Variants in BCAN observed in about 807,000 individuals in gnomAD.
BCAN encodes brevican core protein.
Under a neutral mutation model 92.4 loss-of-function variants are expected in BCAN, and 51 were observed. The observed-to-expected ratio is 0.55, with a 90% CI of 0.44 to 0.70. The LOEUF (loss-of-function observed/expected upper bound fraction) is 0.70. Among genes scored for constraint, BCAN ranks in the 30% least tolerant of loss-of-function variants. The pLI is 0.00. For missense variants in BCAN, 1,140 were observed against 1,212.1 expected (o/e 0.94, Z 0.88); for synonymous variants, 501 against 505.2 (o/e 0.99, Z 0.11).
At chr1:156,643,570 T>C (rs1383026216) in intron 1 of BCAN, 1 of 145,036 alleles carries the variant, frequency 6.9e-6, no homozygotes, top group Non-Finnish European at 1.5e-5. Context: ...AGCATGGAGG[T>C]GGTGGGTGTT....
Position 156,648,698 on chromosome 1 carries a change from C to T in BCAN, c.900C>T (p.His300=), listed in dbSNP as rs1404882095. 16 of 1,613,816 alleles carry T rather than the reference C, an allele frequency of 9.9e-6. No homozygotes were observed. The highest frequency in any genetic ancestry group is 1.4e-5 in the Non-Finnish European group (16 of 1,179,736). Reference sequence around the variant, plus strand: ...CAGCCTGGGATGGTGGCCTGGACCACTGCAGCCCAGGGTGGCTAGCTGATG... The same window carrying T: ...CAGCCTGGGATGGTGGCCTGGACCATTGCAGCCCAGGGTGGCTAGCTGATG... ...LYAAWDGGLD[H]CSPGWLADGS... The change falls in exon 6 of 14, where the codon CAC becomes CAT. Residue 300 remains histidine (H), a synonymous_variant. Coordinates refer to ENST00000329117, the MANE Select transcript of BCAN (RefSeq NM_021948.5).
Position 156,647,975 on chromosome 1 carries a change from C to T in BCAN, c.642-8C>T, listed in dbSNP as rs1195451186. ...TCTGTACTAAGTGATTCTGTCCTTC[C>T]TCCCTAGGTATCCCATCCAGACCCC... On this transcript the variant is annotated splice_polypyrimidine_tract_variant and splice_region_variant and intron_variant, in intron 4 of 13. Coordinates refer to ENST00000329117, the MANE Select transcript of BCAN (RefSeq NM_021948.5). This position sits in a 1 kb window ranked among gnomAD's most constrained non-coding sequence, Gnocchi z 4.8. The T allele has an allele frequency of 6.2e-7, 1 of 1,612,574 alleles. No homozygotes were observed. Among genetic ancestry groups the T allele is most frequent in the Non-Finnish European group, 8.5e-7 (1 of 1,178,724 alleles).
chr1:156,647,053 C>T lies in BCAN; in HGVS notation c.344C>T (p.Ala115Val), dbSNP rs757148760. ...RFRVALPAYP[A>V]SLTDVSLALS... ...CGCGTGGCACTGCCTGCGTACCCAG[C>T]GTCGCTCACCGACGTCTCCCTGGCG... Residue 115 changes from alanine to valine, a missense_variant, in exon 3 of 14, where the codon GCG becomes GTG. Physicochemically the swap from Ala to Val is moderately conservative, Grantham distance 64. Transcript: ENST00000329117. The surrounding 1 kb of genome is among the most constrained non-coding windows in gnomAD (Gnocchi z 4.8). The T allele has an allele frequency of 6.2e-7, 1 of 1,611,552 alleles. No individual in the cohort carries two copies. The highest frequency in any genetic ancestry group is 1.1e-5 in the South Asian group (1 of 90,982).
At chr1:156,650,090 A>C (rs978683344) in intron 6 of BCAN, among the ~76,000 whole-genome samples, 1 of 152,156 alleles carries the variant, frequency 6.6e-6, no homozygotes, top group African/African-American at 2.4e-5. Context: ...GTCCATAGGA[A>C]GACAGGTCCA....
intron 1 of BCAN, among the ~76,000 whole-genome samples, chr1:156,645,585 C>G (rs868238561): frequency 7.9e-5 from 12 of 152,174 alleles, no homozygotes; most frequent in Middle Eastern, 3.4e-3. Context: ...GGAGAAGGCT[C>G]TGGGTTCGAG....
chr1:156,647,732 T>C lies in BCAN; in HGVS notation c.641+50T>C, dbSNP rs1315258165. 1 of 1,554,056 alleles carries C rather than the reference T, an allele frequency of 6.4e-7. No individual in the cohort carries two copies. ...CTTCTATTGGCCCCTGAGGTGGCCATGGCCCCCCTTCTGCTGGGTGCTGCC... is the reference window on the plus strand; with the variant it reads ...CTTCTATTGGCCCCTGAGGTGGCCACGGCCCCCCTTCTGCTGGGTGCTGCC... On this transcript the variant is annotated intron_variant, in intron 4 of 13. Coordinates refer to ENST00000329117, the MANE Select transcript of BCAN (RefSeq NM_021948.5). This position sits in a 1 kb window ranked among gnomAD's most constrained non-coding sequence, Gnocchi z 4.8.
rs199609971 is a variant in BCAN, at chr1:156,646,098, C to T, written c.44C>T (p.Ala15Val). The change falls in exon 2 of 14, where the codon GCC (alanine) becomes GTC (valine). Residue 15 changes from alanine to valine, a missense_variant. Ala to Val is a moderately conservative substitution (Grantham distance 64, BLOSUM62 0). Coordinates refer to ENST00000329117, the MANE Select transcript of BCAN (RefSeq NM_021948.5). ...FLPLLAALVL[A>V]QAPAALADVL... ...CCCCTGCTGGCAGCCCTGGTCCTGG[C>T]CCAGGCTCCTGCAGCTTTAGCAGAT... 1.9e-4 allele frequency: 302 copies of T among 1,613,928 alleles called. 7 individuals are homozygous for T. In the South Asian group the frequency reaches 3.2e-3, roughly 17 times the overall value.
intron 1 of BCAN, among the ~76,000 whole-genome samples, chr1:156,645,332 G>A (rs1473633107): frequency 1.3e-5 from 2 of 152,246 alleles, no homozygotes; most frequent in African/African-American, 4.8e-5. Flanking sequence ...AGGCAGAAAG[G>A]AGAGGCTGGG....
rs1557989643 is a variant in BCAN at position 156,652,253 on chromosome 1, G to A, written c.1303G>A (p.Glu435Lys). 6.3e-7 allele frequency: 1 copy of A among 1,585,586 alleles called. No homozygotes were observed. The change falls in exon 8 of 14, where the codon GAA (glutamate) becomes AAA (lysine). Residue 435 changes from glutamate to lysine, a missense_variant. Coordinates refer to ENST00000329117, the MANE Select transcript of BCAN (RefSeq NM_021948.5). ...ACCGTTTGTGCTTTGCCTAGAATTT[G>A]AAACACAATCCATGGTACCGCCCAC... ...AEAPRTLLEFETQSMVPPTGF... is the reference protein window; with the variant it reads ...AEAPRTLLEFKTQSMVPPTGF...
At chr1:156,654,513 TGTAGAATAG>T (rs1332334527) in intron 8 of BCAN, among the ~76,000 whole-genome samples, 18 of 152,192 alleles carry the variant, frequency 1.2e-4, no homozygotes, top group Admixed American at 8.5e-4. Context: ...TTTCTGGTTG[TGTAGAATAG>T]TTGTCCCCAA....
chr1:156,647,963 A>T lies in BCAN; in HGVS notation c.642-20A>T, dbSNP rs201810629. 1.5e-4 allele frequency: 243 copies of T among 1,612,018 alleles called. 1 individual carries two copies. Among genetic ancestry groups the T allele is most frequent in the Admixed American group, 1.2e-3 (73 of 59,972 alleles). On this transcript the variant is annotated intron_variant, in intron 4 of 13. Transcript: ENST00000329117. The surrounding 1 kb of genome is among the most constrained non-coding windows in gnomAD (Gnocchi z 4.8). Reference sequence around the variant, plus strand: ...CTGGTGAAAGCATCTGTACTAAGTGATTCTGTCCTTCCTCCCTAGGTATCC... The same window carrying T: ...CTGGTGAAAGCATCTGTACTAAGTGTTTCTGTCCTTCCTCCCTAGGTATCC...
At position 156,647,208 on chromosome 1, in the gene BCAN, G is replaced by A; in HGVS notation, c.466+33G>A. 7.5e-6 allele frequency: 11 copies of A among 1,473,510 alleles called. No individual in the cohort carries two copies. Among genetic ancestry groups the A allele is most frequent in the Admixed American group, 2.3e-5 (1 of 43,804 alleles). The allele number at this position is 1,473,510 out of a possible 1,614,324, so 91.3% of individuals were successfully genotyped here. ...GGCAGGGAGGTTCCAGAGGGAGGGA[G>A]GGAGGGAGGGAAGGGAGGACTCTTG... On this transcript the variant is annotated intron_variant, in intron 3 of 13. Coordinates refer to ENST00000329117, the MANE Select transcript of BCAN (RefSeq NM_021948.5). The surrounding 1 kb of genome is among the most constrained non-coding windows in gnomAD (Gnocchi z 4.8).
intron 6 of BCAN, among the ~76,000 whole-genome samples, chr1:156,649,191 C>A (rs1449373729): frequency 6.6e-6 from 1 of 152,244 alleles, no homozygotes; most frequent in Non-Finnish European, 1.5e-5. Flanking sequence ...AGACGACCAA[C>A]ATTCTGTGAA....
intron 8 of BCAN, 196 bp downstream of exon 8, chr1:156,653,088 C>T (rs998159789): frequency 1.0e-5 from 15 of 1,433,508 alleles, no homozygotes; most frequent in South Asian, 6.0e-5. Flanking sequence ...CTCAGCTCTC[C>T]GCGTCTTTAC....
chr1:156,650,097 T>C (rs1250275057), intron 6 of BCAN, among the ~76,000 whole-genome samples: 5 of 151,918 alleles, frequency 3.3e-5, no homozygotes, highest in Non-Finnish European at 1.5e-5. Flanking sequence ...GGAAGACAGG[T>C]CCATCTGAAA....
chr1:156,656,497 T>A (rs1337559437), intron 9 of BCAN, 108 bp downstream of exon 9: 2 of 888,626 alleles, frequency 2.3e-6, no homozygotes, highest in Non-Finnish European at 3.2e-6. Context: ...CATTAATGAG[T>A]CCCTGTTTTA....
At position 156,656,367 on chromosome 1, in the gene BCAN, T is replaced by C. The variant is rs371096258; in HGVS notation, c.2028T>C (p.Tyr676=). The C allele has an allele frequency of 1.2e-4, 166 of 1,386,006 alleles. No homozygotes were observed. Among genetic ancestry groups the C allele is most frequent in the Non-Finnish European group, 1.5e-4 (156 of 1,068,674 alleles). 85.9% of individuals were successfully genotyped at this position (1,386,006 alleles called of 1,614,324 possible). The change falls in exon 9 of 14, where the codon TAT becomes TAC. Residue 676 remains tyrosine (Y), a synonymous_variant. Transcript: ENST00000329117. Reference sequence around the variant, plus strand: ...TCCGCTGCCTATGTCTGCCTGGCTATGGGGGGGACCTGTGCGATGTTGGTG... The same window carrying C: ...TCCGCTGCCTATGTCTGCCTGGCTACGGGGGGGACCTGTGCGATGTTGGTG... ...EGVRCLCLPG[Y]GGDLCDVGLR...
At position 156,658,027 on chromosome 1, in the gene BCAN, T is replaced by C; in HGVS notation, c.2293-100T>C. 7.0e-7 allele frequency: 1 copy of C among 1,429,370 alleles called. No homozygotes were observed. Among genetic ancestry groups the C allele is most frequent in the Non-Finnish European group, 9.6e-7 (1 of 1,046,502 alleles). 88.5% of individuals were successfully genotyped at this position (1,429,370 alleles called of 1,614,324 possible). A position where few individuals can be genotyped will look rare whatever the true frequency, so the allele number is the denominator to read the frequency against. On this transcript the variant is annotated intron_variant, in intron 11 of 13. Transcript: ENST00000329117. The surrounding 1 kb of genome is among the most constrained non-coding windows in gnomAD (Gnocchi z 4.4). ...TACCCCCTAGCCCTAACCTTCCCTC[T>C]CCTGGGGCCCCGCTCACCAGCCCTC...
Position 156,647,317 on chromosome 1 carries a change from G to A in BCAN, c.466+142G>A. On this transcript the variant is annotated intron_variant, in intron 3 of 13. Transcript: ENST00000329117. This position sits in a 1 kb window ranked among gnomAD's most constrained non-coding sequence, Gnocchi z 4.8. The stretch of plus-strand genomic sequence containing the variant: ...GTTGGAAAAAGAGTGAGGAGACACG[G>A]GCCTTTGTTGTCTCCTTTCTCTCTT... The A allele has an allele frequency of 8.5e-7, 1 of 1,172,334 alleles. No homozygotes were observed. Among genetic ancestry groups the A allele is most frequent in the Non-Finnish European group, 1.2e-6 (1 of 851,116 alleles). 72.6% of individuals were successfully genotyped at this position (1,172,334 alleles called of 1,614,324 possible).
Sources: allele counts gnomAD v4.1 joint callset (sites outside exome capture counted in the v4.1 genomes callset), GRCh38; gene constraint gnomAD v4.1.1; non-coding constraint Gnocchi (gnomAD v3.1); transcripts MANE v1.5; gene names NCBI Gene and HGNC (gene_info 2026-07-23, HGNC 2026-07-21).